RYR2: variants seen among roughly 807,000 people sequenced by gnomAD.
RYR2 encodes the protein ryanodine receptor 2, also known as cardiac muscle ryanodine receptor-calcium release channel.
In RYR2, 227 loss-of-function variants were observed where a neutral mutation model predicts 601.1. The observed-to-expected ratio is 0.38, with a 90% confidence interval of 0.34 to 0.42. The LOEUF (loss-of-function observed/expected upper bound fraction) is 0.42. Among genes scored for constraint, RYR2 ranks in the 10% least tolerant of loss-of-function variants. The pLI, the probability that RYR2 is intolerant of heterozygous loss-of-function variation, is 1.00. For synonymous variants in RYR2, 2,223 were observed against 2,175.1 expected (o/e 1.02, Z -0.61); for missense variants, 4,646 against 6,156.5 (o/e 0.75, Z 8.21).
At chr1:237,681,201 T>A (rs1685848646) in intron 62 of RYR2, among the ~76,000 whole-genome samples, 1 of 152,238 alleles carries the variant, frequency 6.6e-6, no homozygotes, top group Non-Finnish European at 1.5e-5. Context: ...ACTTCTCTAA[T>A]ATTACATTGC....
intron 63 of RYR2, among the ~76,000 whole-genome samples, chr1:237,698,105 AGTGT>A (rs3999833): frequency 0.16 from 22,888 of 139,828 alleles, 1,825 homozygotes; most frequent in South Asian, 0.2. Flanking sequence ...AGGAGATGAT[AGTGT>A]GTGTGTGTGT....
chr1:237,498,978 A>G (rs186151098), intron 20 of RYR2, among the ~76,000 whole-genome samples: 47 of 152,270 alleles, frequency 3.1e-4, no homozygotes, highest in Admixed American at 2.5e-3. Context: ...TTAGATTCGT[A>G]ATTAATGAAG....
intron 2 of RYR2, among the ~76,000 whole-genome samples, chr1:237,310,721 T>C (rs973121779): frequency 2.6e-5 from 4 of 152,192 alleles, no homozygotes; most frequent in Non-Finnish European, 1.5e-5. Context: ...ATTGATTGAG[T>C]CCTGTCTCAG....
intron 3 of RYR2, among the ~76,000 whole-genome samples, chr1:237,353,721 A>G (rs1290930468): frequency 6.6e-6 from 1 of 151,972 alleles, no homozygotes; most frequent in Non-Finnish European, 1.5e-5. Flanking sequence ...TGCTCTTTTT[A>G]TTAGTGTTAA....
At chr1:237,066,858 C>T (rs953108995) in intron 1 of RYR2, among the ~76,000 whole-genome samples, 2 of 151,960 alleles carry the variant, frequency 1.3e-5, no homozygotes, top group Non-Finnish European at 2.9e-5. Flanking sequence ...AGGATGGTCT[C>T]GATCTCCTGA....
At chr1:237,350,485 A>G (rs890719307) in intron 3 of RYR2, among the ~76,000 whole-genome samples, 1 of 146,738 alleles carries the variant, frequency 6.8e-6, no homozygotes, top group Non-Finnish European at 1.5e-5. Context: ...GCAGGAGAAT[A>G]GCTTCAATCC....
At chr1:237,282,043 C>T (rs1690942966) in intron 2 of RYR2, among the ~76,000 whole-genome samples, 1 of 152,114 alleles carries the variant, frequency 6.6e-6, no homozygotes, top group Non-Finnish European at 1.5e-5. Context: ...GTATATACTG[C>T]AGAGTGCCCG....
rs367969572 is a variant in RYR2 at position 237,726,324 on chromosome 1, A to G, written c.10725+16A>G. The G allele has an allele frequency of 6.5e-7, 1 of 1,531,234 alleles. No individual in the cohort carries two copies. The highest frequency in any genetic ancestry group is 9.0e-7 in the Non-Finnish European group (1 of 1,111,964). The allele number at this position is 1,531,234 out of a possible 1,614,324, so 94.9% of individuals were successfully genotyped here. ...TTACTGTCTGGGAAGTACAGTGCTC[A>G]ATGGCCTAGAGATTACTAATTAATT... On this transcript the variant is annotated intron_variant, in intron 75 of 104. Coordinates refer to ENST00000366574, the MANE Select transcript of RYR2 (RefSeq NM_001035.3).
intron 51 of RYR2, among the ~76,000 whole-genome samples, chr1:237,652,258 C>G (rs1573351546): frequency 6.6e-6 from 1 of 152,304 alleles, no homozygotes; most frequent in Non-Finnish European, 1.5e-5. Flanking sequence ...GTTTGTCACA[C>G]AGCATAGAAA....
At chr1:237,344,532 G>T (rs911304947) in intron 3 of RYR2, among the ~76,000 whole-genome samples, 2 of 152,090 alleles carry the variant, frequency 1.3e-5, no homozygotes, top group Non-Finnish European at 2.9e-5. Context: ...CCTTTCAAAA[G>T]TTTACCACCC....
chr1:237,518,848 T>C (rs955869545), intron 24 of RYR2, among the ~76,000 whole-genome samples: 5 of 152,176 alleles, frequency 3.3e-5, no homozygotes, highest in South Asian at 2.1e-4. Context: ...TATTTTTTCA[T>C]AGAGGCTGTA....
At chr1:237,604,147 T>G (rs1676834805) in intron 35 of RYR2, among the ~76,000 whole-genome samples, 1 of 152,018 alleles carries the variant, frequency 6.6e-6, no homozygotes, top group South Asian at 2.1e-4. Context: ...TCGCACTTAC[T>G]CCAAAATTGA....
chr1:237,218,043 TA>T (rs1325365677), intron 1 of RYR2, among the ~76,000 whole-genome samples: 1 of 152,232 alleles, frequency 6.6e-6, no homozygotes, highest in Non-Finnish European at 1.5e-5. Context: ...CTAAGCTATT[TA>T]AAAGTCAGTT....
intron 23 of RYR2, among the ~76,000 whole-genome samples, chr1:237,509,367 T>A (rs1306345664): frequency 6.6e-6 from 1 of 152,246 alleles, no homozygotes; most frequent in Non-Finnish European, 1.5e-5. Context: ...CCTGTTACTA[T>A]GCTAATTTCA....
At chr1:237,364,487 A>C in intron 5 of RYR2, 115 bp downstream of exon 5, 2 of 454,944 alleles carry the variant, frequency 4.4e-6, no homozygotes, top group Non-Finnish European at 7.6e-6. Flanking sequence ...TATGACAGAT[A>C]TATATATTAC....
chr1:237,261,041 T>A (rs1031925228), intron 1 of RYR2, among the ~76,000 whole-genome samples: 2 of 152,210 alleles, frequency 1.3e-5, no homozygotes, highest in African/African-American at 4.8e-5. Context: ...AACAAAAAAA[T>A]AGCATAGATA....
Position 237,595,509 on chromosome 1 carries a change from G to C in RYR2, c.4448G>C (p.Ser1483Thr), listed in dbSNP as rs1304493454. The C allele has an allele frequency of 6.2e-7, 1 of 1,607,032 alleles. No individual in the cohort carries two copies. The highest frequency in any genetic ancestry group is 1.7e-5 in the Admixed American group (1 of 58,286). Residue 1483 changes from serine (S) to threonine (T), a missense_variant, in exon 34 of 105, where the codon AGC (serine) becomes ACC (threonine). Ser to Thr is a moderately conservative substitution (Grantham distance 58, BLOSUM62 1). Around this residue, in one of 17 missense-constraint regions of RYR2, gnomAD observed 1,807 missense variants for 2,088.1 expected, o/e 0.87. Transcript: ENST00000366574. ...KGKVHESIKRSNCYMVCAGES... is the reference protein window; with the variant it reads ...KGKVHESIKRTNCYMVCAGES... Reference sequence around the variant, plus strand: ...CTTTTGAAATTCAGCATCAAACGCAGCAACTGCTATATGGTATGTGCGGGT... The same window carrying C: ...CTTTTGAAATTCAGCATCAAACGCACCAACTGCTATATGGTATGTGCGGGT...
chr1:237,456,626 C>A lies in RYR2; in HGVS notation c.1503C>A (p.Cys501Ter). 1 of 1,603,518 alleles carries A rather than the reference C, an allele frequency of 6.2e-7. No homozygotes were observed. Among genetic ancestry groups the A allele is most frequent in the Non-Finnish European group, 8.5e-7 (1 of 1,173,854 alleles). The change falls in exon 16 of 105, where the codon TGC (cysteine) becomes TGA (stop). Residue 501 changes from cysteine to a stop codon, truncating the protein, a stop_gained. Transcript: ENST00000366574. LOFTEE classifies it high-confidence loss of function. ...GAATGATCAACCTCGTGCTTGAGTG[C>A]ATAGACCGTTTGCACGTCTACAGCA... Reference protein sequence around the residue: ...EEGMINLVLECIDRLHVYSSA... With the variant: ...EEGMINLVLE
At position 237,660,927 on chromosome 1, in the gene RYR2, C is replaced by T. The variant is rs727504134; in HGVS notation, c.8416C>T (p.Arg2806Cys). ...DSMALYNRTR[R>C]ISQTSQVSVD... ...CATGGCCCTTTACAACCGGACTCGT[C>T]GTATTTCTCAGACAAGCCAGGTAAG... Residue 2806 changes from arginine (R) to cysteine (C), a missense_variant, in exon 56 of 105, where the codon CGT becomes TGT. Physicochemically the swap from Arg to Cys is radical, Grantham distance 180. This residue lies in a region of RYR2 where 1,497 missense variants were observed against 1,842.6 expected (regional missense o/e 0.81). Transcript: ENST00000366574. The T allele has an allele frequency of 1.5e-5, 21 of 1,443,398 alleles. No individual in the cohort carries two copies. The highest frequency in any genetic ancestry group is 2.9e-5 in the African/African-American group (2 of 69,770). 89.4% of individuals were successfully genotyped at this position (1,443,398 alleles called of 1,614,324 possible).
Sources: gnomAD v4.1 joint callset for allele counts (sites outside exome capture counted in the v4.1 genomes callset) on GRCh38, gnomAD v4.1.1 for gene constraint, gnomAD v4.1.1 regional missense constraint, MANE v1.5 for transcripts, NCBI Gene and HGNC (gene_info 2026-07-23, HGNC 2026-07-21) for gene names.